BCL11A: variants seen among roughly 807,000 people sequenced by gnomAD.
BCL11A encodes the protein B cell CLL/lymphoma 11A.
In BCL11A, 2 loss-of-function variants were observed where a neutral mutation model predicts 55.9. The ratio of observed to expected loss-of-function variants is 0.04; its 90% confidence interval spans 0.01 to 0.11. The LOEUF (loss-of-function observed/expected upper bound fraction) is 0.11. BCL11A is among the 10% of genes least tolerant of loss of function. The pLI is 1.00. For missense variants in BCL11A, 817 were observed against 1,137.1 expected (o/e 0.72, Z 4.05); for synonymous variants, 465 against 473.4 (o/e 0.98, Z 0.23).
intron 2 of BCL11A, among the ~76,000 whole-genome samples, chr2:60,480,083 G>A (rs1035354292): frequency 1.1e-4 from 17 of 152,282 alleles, no homozygotes; most frequent in Admixed American, 8.5e-4. Context: ...GGACTTCCCC[G>A]GGAGGAGGCC....
intron 2 of BCL11A, chr2:60,535,074 T>C (rs955104535): frequency 6.6e-6 from 1 of 152,142 alleles, no homozygotes; most frequent in Non-Finnish European, 1.5e-5. Context: ...CAATCAAAAA[T>C]GCAAAACAAT....
intron 2 of BCL11A, among the ~76,000 whole-genome samples, chr2:60,501,540 G>A (rs533596781): frequency 1.7e-4 from 22 of 132,614 alleles, no homozygotes; most frequent in Non-Finnish European, 2.2e-4. Flanking sequence ...ACAGAGTTTC[G>A]CTCTTGTTGC....
intron 2 of BCL11A, among the ~76,000 whole-genome samples, chr2:60,495,470 A>G (rs1368058325): frequency 1.3e-5 from 2 of 152,138 alleles, no homozygotes; most frequent in East Asian, 3.9e-4. Flanking sequence ...CCATCTCACT[A>G]CAGATAACTC....
intron 2 of BCL11A, among the ~76,000 whole-genome samples, chr2:60,494,253 A>T (rs1001354818): frequency 2.0e-5 from 3 of 152,098 alleles, no homozygotes; most frequent in Non-Finnish European, 4.4e-5. Context: ...CACATGGGAG[A>T]GTGGGAAGAC....
chr2:60,549,526 C>T (rs1670299229), intron 1 of BCL11A, among the ~76,000 whole-genome samples: 1 of 152,206 alleles, frequency 6.6e-6, no homozygotes, highest in South Asian at 2.1e-4. Context: ...TGAAGTTGGG[C>T]GCGGGGACTC....
intron 2 of BCL11A, chr2:60,526,901 T>C (rs1370036901): frequency 1.3e-5 from 2 of 152,230 alleles, no homozygotes; most frequent in Non-Finnish European, 2.9e-5. Flanking sequence ...ACCAGGAACG[T>C]TGTAAATTAT....
At chr2:60,478,670 G>A (rs1219837309) in intron 2 of BCL11A, among the ~76,000 whole-genome samples, 1 of 152,242 alleles carries the variant, frequency 6.6e-6, no homozygotes, top group African/African-American at 2.4e-5. Context: ...CAAAAAAAAT[G>A]GTCTAGCAGG....
At chr2:60,550,785 CT>C (rs1670378225) in intron 1 of BCL11A, 1 of 398,996 alleles carries the variant, frequency 2.5e-6, no homozygotes. Context: ...CCGGTCTGTC[CT>C]TTGAGCCCCC....
chr2:60,451,408 A>G (rs1030079277), exon 5 of BCL11A: 2 of 228,492 alleles, frequency 8.8e-6, no homozygotes, highest in Admixed American at 5.7e-5. Context: ...AGTAAAAAAT[A>G]CCAAACTGAG....
downstream of BCL11A, chr2:60,452,718 C>T (rs768182495): frequency 1.3e-5 from 18 of 1,415,492 alleles, no homozygotes; most frequent in Non-Finnish European, 1.8e-5. Context: ...ACAGGTGTGA[C>T]TTGGCCCAAT....
intron 2 of BCL11A, among the ~76,000 whole-genome samples, chr2:60,511,443 T>TA (rs1171784509): frequency 7.9e-5 from 12 of 152,218 alleles, no homozygotes; most frequent in African/African-American, 2.9e-4. Flanking sequence ...ATAAAACACT[T>TA]AAAGATGCTA....
chr2:60,465,585 C>CA (rs1275726411), intron 3 of BCL11A, among the ~76,000 whole-genome samples: 2 of 152,308 alleles, frequency 1.3e-5, no homozygotes, highest in African/African-American at 4.8e-5. Flanking sequence ...ATCTAAGCCT[C>CA]AAGATTCAGA....
At chr2:60,515,616 T>G (rs1018926293) in intron 2 of BCL11A, among the ~76,000 whole-genome samples, 16 of 152,096 alleles carry the variant, frequency 1.1e-4, no homozygotes, top group Non-Finnish European at 1.9e-4. Flanking sequence ...TCCAGCCCAC[T>G]AGAAGGAGAT....
At chr2:60,479,881 C>T (rs1168791048) in intron 2 of BCL11A, among the ~76,000 whole-genome samples, 3 of 152,178 alleles carry the variant, frequency 2.0e-5, no homozygotes, top group Non-Finnish European at 2.9e-5. Flanking sequence ...GAAAATGAAA[C>T]GCTTCTGTCC....
rs919252266 is a variant in BCL11A at position 60,461,395 on chromosome 2, G to A, written c.1517C>T (p.Thr506Met). 1.9e-6 allele frequency: 3 copies of A among 1,605,222 alleles called. No individual in the cohort carries two copies. The highest frequency in any genetic ancestry group is 1.3e-5 in the African/African-American group (1 of 74,956). ...GCCGTAGTCCACCCTCTCGCTCTCC[G>A]TCAGCTCCTCCTCCTCCTCTTCCTC... ...EEEEEEEEEL[T>M]ESERVDYGFG... The change falls in exon 4 of 4, where the codon ACG becomes ATG. Residue 506 changes from threonine (T) to methionine (M), a missense_variant. Physicochemically the swap from Thr to Met is moderately conservative, Grantham distance 81. Coordinates refer to ENST00000642384, the MANE Select transcript of BCL11A (RefSeq NM_022893.4).
intron 2 of BCL11A, among the ~76,000 whole-genome samples, chr2:60,516,169 A>G (rs1361016951): frequency 6.6e-6 from 1 of 152,178 alleles, no homozygotes; most frequent in African/African-American, 2.4e-5. Flanking sequence ...AATGCTTTTC[A>G]TATCATCCTA....
In BCL11A at chr2:60,467,697, T is replaced by C. The variant is rs1381327202; in HGVS notation, c.487+1035A>G. 1.8e-4 allele frequency among the ~76,000 whole-genome samples: 19 copies of C among 106,096 alleles called. 1 individual carries two copies. The East Asian group carries it at 3.9e-3, about 22-fold the overall frequency. 69.6% of individuals were successfully genotyped at this position (106,096 alleles called of 152,430 possible). A position where few individuals can be genotyped will look rare whatever the true frequency, so the allele number is the denominator to read the frequency against. ...GTGATGGTGATGGTGGTGGTGGTGG[T>C]GATGGTACTGGTGGTGATGGTACTG... On this transcript the variant is annotated intron_variant, in intron 3 of 3. Coordinates refer to ENST00000642384, the MANE Select transcript of BCL11A (RefSeq NM_022893.4).
Position 60,458,922 on chromosome 2 carries a change from A to T in BCL11A, c.*1482T>A, listed in dbSNP as rs1183663939. On this transcript the variant is annotated 3_prime_UTR_variant, in exon 4 of 4. Coordinates refer to ENST00000642384, the MANE Select transcript of BCL11A (RefSeq NM_022893.4). ...TCTTCCATGTTAACACAAATAGCAC[A>T]CAGTGTATGGAAAAGAAATGAAGTA... is the stretch of plus-strand genomic sequence containing the variant. The T allele has an allele frequency of 4.8e-6, 5 of 1,034,202 alleles. No homozygotes were observed. In the South Asian group the frequency reaches 2.3e-4, roughly 48 times the overall value. The allele number at this position is 1,034,202 out of a possible 1,614,324, so 64.1% of individuals were successfully genotyped here.
chr2:60,475,558 C>G (rs1677547182), intron 2 of BCL11A, among the ~76,000 whole-genome samples: 1 of 152,224 alleles, frequency 6.6e-6, no homozygotes, highest in African/African-American at 2.4e-5. Context: ...CAACAAATGA[C>G]TGTGCAAGAA....
Sources: allele counts gnomAD v4.1 joint callset (sites outside exome capture counted in the v4.1 genomes callset), GRCh38; gene constraint gnomAD v4.1.1; transcripts MANE v1.5; gene names NCBI Gene and HGNC (gene_info 2026-07-23, HGNC 2026-07-21).